The following ACAD11 variants were observed in gnomAD, a reference collection of about 807,000 sequenced individuals.
ACAD11 encodes the protein acyl-Coenzyme A dehydrogenase family, member 11.
In ACAD11, 83 loss-of-function variants were observed where a neutral mutation model predicts 102.2. The ratio of observed to expected loss-of-function variants is 0.81; its 90% CI spans 0.68 to 0.97. The LOEUF (loss-of-function observed/expected upper bound fraction) is 0.97. Among genes scored for constraint, ACAD11 ranks in the 50% least tolerant of loss-of-function variants. The probability of loss-of-function intolerance (pLI) is 0.00; values close to 1 mark genes in which losing one functional copy is unlikely to be tolerated. For synonymous variants in ACAD11, 324 were observed against 319.8 expected, an observed-to-expected ratio of 1.01 and a Z score of -0.14; for missense variants, 901 against 951.7, an observed-to-expected ratio of 0.95 and a Z score of 0.70.
chr3:132,647,107 A>C (rs1940745021), intron 1 of ACAD11: 1 of 152,244 alleles, frequency 6.6e-6, no homozygotes, highest in Admixed American at 6.5e-5. Flanking sequence ...TCTCAAAAAC[A>C]AACAAAAACA....
intron 17 of ACAD11, among the ~76,000 whole-genome samples, chr3:132,566,382 G>A (rs1937213824): frequency 6.6e-6 from 1 of 151,382 alleles, no homozygotes. Flanking sequence ...CAGATTCCAG[G>A]AAGAAGAGAA....
chr3:132,627,867 G>A (rs1268055066), intron 8 of ACAD11, among the ~76,000 whole-genome samples: 3 of 152,132 alleles, frequency 2.0e-5, no homozygotes, highest in Admixed American at 6.5e-5. Context: ...GTAAGCAATG[G>A]GAATGAAACT....
intron 1 of ACAD11, among the ~76,000 whole-genome samples, chr3:132,656,546 T>G (rs1937815055): frequency 6.6e-6 from 1 of 151,126 alleles, no homozygotes; most frequent in Non-Finnish European, 1.5e-5. Flanking sequence ...CAGACTGGAG[T>G]GCAGTGCTGT....
At chr3:132,606,959 G>A (rs1402054810) in intron 11 of ACAD11, among the ~76,000 whole-genome samples, 4 of 152,186 alleles carry the variant, frequency 2.6e-5, no homozygotes, top group South Asian at 2.1e-4. Flanking sequence ...TTGCTGTTCT[G>A]CAGCCTCCAC....
At chr3:132,621,769 C>T (rs939554422) in intron 9 of ACAD11, among the ~76,000 whole-genome samples, 2 of 118,936 alleles carry the variant, frequency 1.7e-5, no homozygotes, top group Non-Finnish European at 1.6e-5. Context: ...ACTAGCCTGG[C>T]CTACCTGTCT....
rs776286937 is a variant in ACAD11, at chr3:132,642,169, T to A, written c.376-36A>T. 19 of 1,559,552 alleles carry A rather than the reference T, an allele frequency of 1.2e-5. No homozygotes were observed. The South Asian group carries it at 2.1e-4, about 17-fold the overall frequency. On this transcript the variant is annotated intron_variant, in intron 3 of 19. Coordinates refer to ENST00000264990, the MANE Select transcript of ACAD11 (RefSeq NM_032169.5). The stretch of plus-strand genomic sequence containing the variant: ...GATTACAACAGATTATTTAAATGTG[T>A]ATAATCAATACTTTGTCGAATATAC...
At chr3:132,619,321 A>C (rs1323265005) in intron 10 of ACAD11, 147 bp downstream of exon 10, 2 of 527,554 alleles carry the variant, frequency 3.8e-6, no homozygotes, top group African/African-American at 3.9e-5. Context: ...TGTATGTTAT[A>C]GATTCTATTT....
chr3:132,638,478 T>C (rs1940357637), intron 5 of ACAD11, among the ~76,000 whole-genome samples: 1 of 152,212 alleles, frequency 6.6e-6, no homozygotes, highest in South Asian at 2.1e-4. Context: ...ATTTATGAGA[T>C]GGAAATAGTT....
chr3:132,639,394 G>A, intron 5 of ACAD11, 98 bp downstream of exon 5: 3 of 1,178,262 alleles, frequency 2.5e-6, no homozygotes, highest in Non-Finnish European at 3.5e-6. Context: ...GGAACAGGGA[G>A]TGGGTTGGGC....
At chr3:132,594,281 G>A (rs1327505045) in intron 13 of ACAD11, among the ~76,000 whole-genome samples, 1 of 152,150 alleles carries the variant, frequency 6.6e-6, no homozygotes, top group Admixed American at 6.6e-5. Context: ...GCTTATGGTT[G>A]TTGGGGGTGG....
intron 13 of ACAD11, among the ~76,000 whole-genome samples, chr3:132,598,624 C>T (rs1361664596): frequency 2.0e-5 from 3 of 152,074 alleles, no homozygotes; most frequent in Non-Finnish European, 2.9e-5. Flanking sequence ...GTCGCATCCG[C>T]GTTTATTGAG....
chr3:132,644,967 A>G, intron 1 of ACAD11, 71 bp from the exon 2 acceptor site: 2 of 904,792 alleles, frequency 2.2e-6, no homozygotes, highest in South Asian at 3.2e-5. Context: ...ATCCTACTGA[A>G]ATGTCAGAAG....
chr3:132,615,770 C>T (rs1939382790), intron 11 of ACAD11, among the ~76,000 whole-genome samples: 1 of 152,136 alleles, frequency 6.6e-6, no homozygotes, highest in Admixed American at 6.5e-5. Flanking sequence ...ACGTAACAAA[C>T]CTTCACGTTC....
At chr3:132,601,877 T>C (rs1938620087) in intron 13 of ACAD11, 3 of 276,160 alleles carry the variant, frequency 1.1e-5, no homozygotes, top group Non-Finnish European at 2.3e-5. Context: ...TGGGGAAAAC[T>C]GGGTGAAGGG....
At chr3:132,600,335 T>C in intron 13 of ACAD11, 3 of 1,413,946 alleles carry the variant, frequency 2.1e-6, no homozygotes, top group Non-Finnish European at 2.8e-6. Flanking sequence ...AAAAACTGTT[T>C]CCTTTTAAGC....
Position 132,602,547 on chromosome 3 carries a change from G to C in ACAD11, c.1621+682C>G, listed in dbSNP as rs914669378. Among the ~76,000 whole-genome samples, 10 of 152,028 alleles carry C rather than the reference G, an allele frequency of 6.6e-5. 1 individual carries two copies. The South Asian group carries it at 1.0e-3, about 16-fold the overall frequency. On this transcript the variant is annotated intron_variant, in intron 13 of 19. Transcript: ENST00000264990. ...AAATTATTGTTAATTAACATGTACA[G>C]CTTATCTTTTTTAAAAAAATTTGCT... is the stretch of plus-strand genomic sequence containing the variant.
rs962068358 is a variant in ACAD11, at chr3:132,626,824, C to G, written c.1071-7G>C. ...TAGTACAGTACTGAAAGTTCTTTGC[C>G]AAAAGAAAAAAGGAAAAAAAGGTTA... is the stretch of plus-strand genomic sequence containing the variant. On this transcript the variant is annotated splice_polypyrimidine_tract_variant and splice_region_variant and intron_variant, in intron 8 of 19. Transcript: ENST00000264990. 1.9e-6 allele frequency: 3 copies of G among 1,590,366 alleles called. No individual in the cohort carries two copies. In the African/African-American group the frequency reaches 4.1e-5, roughly 22 times the overall value.
At chr3:132,612,370 C>T (rs1462012801) in intron 11 of ACAD11, among the ~76,000 whole-genome samples, 1 of 151,958 alleles carries the variant, frequency 6.6e-6, no homozygotes, top group Non-Finnish European at 1.5e-5. Flanking sequence ...ACAAAATTGA[C>T]AAATGGGATC....
chr3:132,560,477 T>C (rs1320808186), intron 18 of ACAD11, among the ~76,000 whole-genome samples: 1 of 152,078 alleles, frequency 6.6e-6, no homozygotes, highest in Non-Finnish European at 1.5e-5. Context: ...TATTCCCAGG[T>C]GTGATCATAG....
Sources: allele counts gnomAD v4.1 joint callset (sites outside exome capture counted in the v4.1 genomes callset), GRCh38; gene constraint gnomAD v4.1.1; transcripts MANE v1.5; gene names NCBI Gene and HGNC (gene_info 2026-07-23, HGNC 2026-07-21).